CXCL14: variants seen among roughly 807,000 people sequenced by gnomAD.
CXCL14 encodes the protein C-X-C motif chemokine ligand 14.
In CXCL14, 9 loss-of-function variants were observed where a neutral mutation model predicts 16.1. The observed-to-expected ratio is 0.56, with a 90% CI of 0.34 to 0.97. The LOEUF (loss-of-function observed/expected upper bound fraction) is 0.97, where lower values mean the gene tolerates loss of function less well. CXCL14 is among the 50% of genes least tolerant of loss of function. The pLI is 0.02. For missense variants in CXCL14, 111 were observed against 132.5 expected, an observed-to-expected ratio of 0.84 and a Z score of 0.80; for synonymous variants, 55 against 52.8, an observed-to-expected ratio of 1.04 and a Z score of -0.18.
chr5:135,573,713 T>C (rs1365180104), intron 3 of CXCL14, among the ~76,000 whole-genome samples: 8 of 135,042 alleles, frequency 5.9e-5, no homozygotes, highest in Non-Finnish European at 8.1e-5. Context: ...TGCATGCGTG[T>C]GTGTGTGTGT....
Position 135,571,239 on chromosome 5 carries a change from C to G in CXCL14, c.*614G>C, listed in dbSNP as rs759643277. On this transcript the variant is annotated 3_prime_UTR_variant, in exon 4 of 4. Transcript: ENST00000512158. ...TTTCCTAGGGTGTGTAAAAATTAAC[C>G]AGGGGGGAATGAAGCACATTTTTCT... 1 of 152,198 alleles carries G rather than the reference C, an allele frequency of 6.6e-6. No individual in the cohort carries two copies. The highest frequency in any genetic ancestry group is 1.5e-5 in the Non-Finnish European group (1 of 68,096). 9.4% of individuals were successfully genotyped at this position (152,198 alleles called of 1,614,324 possible). A position where few individuals can be genotyped will look rare whatever the true frequency, so the allele number is the denominator to read the frequency against.
chr5:135,578,082 T>C (rs1284427349), intron 2 of CXCL14, among the ~76,000 whole-genome samples: 2 of 152,234 alleles, frequency 1.3e-5, no homozygotes, highest in Non-Finnish European at 2.9e-5. Flanking sequence ...GAGTGTGTTT[T>C]AAGTGATTTC....
In CXCL14 at chr5:135,578,780, C is replaced by G. The variant is rs772253716; in HGVS notation, c.-2G>C. The stretch of plus-strand genomic sequence containing the variant: ...CAGCGCGGCCGCCAGGAGCCTCATG[C>G]TGACCGGAGGGGCGCGGCGTGGGAG... On this transcript the variant is annotated 5_prime_UTR_variant, in exon 1 of 4. Transcript: ENST00000512158. The G allele has an allele frequency of 7.1e-5, 109 of 1,541,036 alleles. No individual in the cohort carries two copies. The African/African-American group carries it at 1.4e-3, about 19-fold the overall frequency.
intron 1 of CXCL14, 44 bp downstream of exon 1, chr5:135,578,671 C>A: frequency 6.4e-7 from 1 of 1,561,186 alleles, no homozygotes; most frequent in East Asian, 2.4e-5. Context: ...TTCCCCAGGA[C>A]AGGACAAGAC....
intron 3 of CXCL14, 71 bp from the exon 4 acceptor site, chr5:135,571,939 C>T (rs913995120): frequency 1.4e-5 from 21 of 1,518,174 alleles, no homozygotes; most frequent in African/African-American, 5.5e-5. Context: ...GCTGGCTAAG[C>T]GGCTTCATTC....
chr5:135,571,912 C>T, intron 3 of CXCL14, 44 bp from the exon 4 acceptor site: 1 of 1,608,078 alleles, frequency 6.2e-7, no homozygotes, highest in Non-Finnish European at 8.5e-7. Context: ...GGACATGAGG[C>T]AGGCCGTTCA....
At position 135,578,490 on chromosome 5, in the gene CXCL14, G is replaced by T; in HGVS notation, c.114C>A (p.Asp38Glu). Reference sequence around the variant, plus strand: ...TTGGCTTCATTTCCAGCTTCTTCACGTCGCTGTAGCGGATCTTGGGTCCCT... The same window carrying T: ...TTGGCTTCATTTCCAGCTTCTTCACTTCGCTGTAGCGGATCTTGGGTCCCT... The part of the protein sequence containing the change: ...SRKGPKIRYS[D>E]VKKLEMKPKY... The change falls in exon 2 of 4, where the codon GAC becomes GAA. Residue 38 changes from aspartate (D) to glutamate (E), a missense_variant. Asp to Glu is a conservative substitution (Grantham distance 45). Coordinates refer to ENST00000512158, the MANE Select transcript of CXCL14 (RefSeq NM_004887.5). 6 of 1,614,202 alleles carry T rather than the reference G, an allele frequency of 3.7e-6. No individual in the cohort carries two copies. Among genetic ancestry groups the T allele is most frequent in the Non-Finnish European group, 5.1e-6 (6 of 1,180,028 alleles).
intron 3 of CXCL14, among the ~76,000 whole-genome samples, chr5:135,573,979 G>A (rs1368622275): frequency 2.0e-5 from 3 of 152,154 alleles, no homozygotes; most frequent in East Asian, 1.9e-4. Flanking sequence ...ACTGCTGCCC[G>A]CCTTGGTTAA....
intron 1 of CXCL14, 73 bp from the exon 2 acceptor site, chr5:135,578,612 C>A: frequency 6.3e-7 from 1 of 1,595,226 alleles, no homozygotes; most frequent in Non-Finnish European, 8.6e-7. Flanking sequence ...GGTGCCCACC[C>A]AGACCACCCC....
rs1321947661 is a variant in CXCL14 at position 135,571,167 on chromosome 5, C to T, written c.*686G>A. 6.6e-6 allele frequency: 1 copy of T among 152,238 alleles called. No individual in the cohort carries two copies. The highest frequency in any genetic ancestry group is 2.4e-5 in the African/African-American group (1 of 41,442). The allele number at this position is 152,238 out of a possible 1,614,324, so 9.4% of individuals were successfully genotyped here. ...TCCTCAGGTTGGGAAAGACCCCACA[C>T]CTTCTTTAAGGATCATTTGTCTCGC... On this transcript the variant is annotated 3_prime_UTR_variant, in exon 4 of 4. Transcript: ENST00000512158.
chr5:135,573,066 A>G (rs1198238482), intron 3 of CXCL14, among the ~76,000 whole-genome samples: 2 of 152,016 alleles, frequency 1.3e-5, no homozygotes, highest in Non-Finnish European at 2.9e-5. Flanking sequence ...GGCCATGTTT[A>G]GACCTGTGGG....
In CXCL14 at chr5:135,578,810, G is replaced by T. The variant is rs1751164261; in HGVS notation, c.-32C>A. ...CGGAGGGGCGCGGCGTGGGAGCAGG[G>T]ACATGGGGAGGGCGCTGGCCCGTCG... On this transcript the variant is annotated 5_prime_UTR_variant, in exon 1 of 4. Coordinates refer to ENST00000512158, the MANE Select transcript of CXCL14 (RefSeq NM_004887.5). The T allele has an allele frequency of 6.6e-7, 1 of 1,522,108 alleles. No individual in the cohort carries two copies. Among genetic ancestry groups the T allele is most frequent in the East Asian group, 2.5e-5 (1 of 40,350 alleles). The allele number at this position is 1,522,108 out of a possible 1,614,324, so 94.3% of individuals were successfully genotyped here.
At chr5:135,572,503 C>G (rs1257339530) in intron 3 of CXCL14, among the ~76,000 whole-genome samples, 1 of 152,208 alleles carries the variant, frequency 6.6e-6, no homozygotes, top group Non-Finnish European at 1.5e-5. Flanking sequence ...TGCCTCATCT[C>G]TACTCGTTCC....
chr5:135,571,765 TTTTTTTTTTTTTTTTTTTTTAATCTG>T lies in CXCL14; in HGVS notation c.*62_*87del. On this transcript the variant is annotated 3_prime_UTR_variant, in exon 4 of 4. Transcript: ENST00000512158. ...GGCTTTTTTTTTTTTTTTTTTTTTTTTTTTTTTTTTTTTTTTTTTTAATCTGCAAAGTCCTTTGCACAAGTCTCCCA... is the reference window on the plus strand; with the variant it reads ...GGCTTTTTTTTTTTTTTTTTTTTTTTCAAAGTCCTTTGCACAAGTCTCCCA... 3.7e-5 allele frequency: 7 copies of T among 190,536 alleles called. No homozygotes were observed. Among genetic ancestry groups the T allele is most frequent in the South Asian group, 1.8e-4 (2 of 11,084 alleles). The allele number at this position is 190,536 out of a possible 1,614,324, so 11.8% of individuals were successfully genotyped here.
intron 2 of CXCL14, among the ~76,000 whole-genome samples, chr5:135,577,881 C>T (rs11739936): frequency 0.081 from 12,364 of 152,258 alleles, 513 homozygotes; most frequent in South Asian, 0.15. Flanking sequence ...TATTGGGGAC[C>T]CACAAGGAGT....
rs573821049 is a variant in CXCL14, at chr5:135,577,919, G to A, written c.170+515C>T. Among the ~76,000 whole-genome samples the A allele has an allele frequency of 8.9e-4, 135 of 152,308 alleles. 4 individuals are homozygous for A. The highest frequency in any genetic ancestry group is 4.1e-3 in the Admixed American group (62 of 15,296). On this transcript the variant is annotated intron_variant, in intron 2 of 3. Coordinates refer to ENST00000512158, the MANE Select transcript of CXCL14 (RefSeq NM_004887.5). ...AGTCGGTGAGGGAAGCTCGTGGAGC[G>A]TTCTCAAAATAAAATCTCTAGGAGC...
At chr5:135,574,471 A>T in intron 3 of CXCL14, 101 bp downstream of exon 3, 2 of 839,304 alleles carry the variant, frequency 2.4e-6, no homozygotes, top group Non-Finnish European at 3.9e-6. Context: ...GGGTGTTCAC[A>T]TATTAGATGG....
rs192445457 is a variant in CXCL14 at position 135,575,154 on chromosome 5, C to T, written c.171-469G>A. 9.2e-5 allele frequency among the ~76,000 whole-genome samples: 14 copies of T among 152,276 alleles called. No individual in the cohort carries two copies. The East Asian group carries it at 1.9e-3, about 21-fold the overall frequency. The stretch of plus-strand genomic sequence containing the variant: ...CTCATGGCAAGGCTCAGACATGCCC[C>T]GCAGACACTCTGATTTCTGTCTCCT... On this transcript the variant is annotated intron_variant, in intron 2 of 3. Coordinates refer to ENST00000512158, the MANE Select transcript of CXCL14 (RefSeq NM_004887.5).
intron 2 of CXCL14, among the ~76,000 whole-genome samples, chr5:135,578,053 C>A (rs752429891): frequency 6.6e-6 from 1 of 152,212 alleles, no homozygotes; most frequent in Admixed American, 6.5e-5. Context: ...GAAGGCAGCA[C>A]GCCTCACAGT....
Sources: gnomAD v4.1 joint callset for allele counts (sites outside exome capture counted in the v4.1 genomes callset) on GRCh38, gnomAD v4.1.1 for gene constraint, MANE v1.5 for transcripts, NCBI Gene and HGNC (gene_info 2026-07-23, HGNC 2026-07-21) for gene names.